PCDHGB6: variants seen among roughly 807,000 people sequenced by gnomAD.
The protein encoded by PCDHGB6 is protocadherin gamma subfamily B, 6.
A neutral mutation model predicts 59.1 loss-of-function variants in PCDHGB6; 51 were observed. The ratio of observed to expected loss-of-function variants is 0.86; its 90% CI spans 0.69 to 1.09. The LOEUF is 1.09. Ranked by LOEUF, PCDHGB6 falls within the 50% of genes least tolerant of loss-of-function variation. The pLI, the probability that PCDHGB6 is intolerant of heterozygous loss-of-function variation, is 0.00. For synonymous variants in PCDHGB6, 466 were observed against 495.1 expected, an observed-to-expected ratio of 0.94 and a Z score of 0.78; for missense variants, 1,148 against 1,205.1, an observed-to-expected ratio of 0.95 and a Z score of 0.70.
At position 141,489,314 on chromosome 5, in the gene PCDHGB6, G is replaced by C. The variant is rs374235290; in HGVS notation, c.2419-5493G>C. The stretch of plus-strand genomic sequence containing the variant: ...TGCATGTTGTCCTTGTGCTGCTGGG[G>C]CTGGGTGTCTGGGCAGCTTCGTTAC... On this transcript the variant is annotated intron_variant, in intron 1 of 3. Coordinates refer to ENST00000520790, the MANE Select transcript of PCDHGB6 (RefSeq NM_018926.3). This position sits in a 1 kb window ranked among gnomAD's most constrained non-coding sequence, Gnocchi z 4.5. 2 of 1,596,790 alleles carry C rather than the reference G, an allele frequency of 1.3e-6. No homozygotes were observed. The highest frequency in any genetic ancestry group is 2.2e-5 in the East Asian group (1 of 44,724).
chr5:141,419,773 C>CAG, intron 1 of PCDHGB6: 1 of 1,614,034 alleles, frequency 6.2e-7, no homozygotes, highest in Non-Finnish European at 8.5e-7. Flanking sequence ...AGGACTCGGT[C>CAG]CGCCAGCGCC....
At chr5:141,413,357 G>A (rs2095629700) in intron 1 of PCDHGB6, 2 of 1,613,874 alleles carry the variant, frequency 1.2e-6, no homozygotes, top group South Asian at 1.1e-5. Flanking sequence ...CTGGCGCCCC[G>A]GGAGCTGGCG....
chr5:141,465,019 G>T (rs533151051), intron 1 of PCDHGB6, among the ~76,000 whole-genome samples: 1 of 151,978 alleles, frequency 6.6e-6, no homozygotes, highest in Non-Finnish European at 1.5e-5. Context: ...TAAGATTACA[G>T]CCATGAACCA....
intron 1 of PCDHGB6, chr5:141,413,762 C>A: frequency 1.2e-6 from 2 of 1,612,894 alleles, no homozygotes; most frequent in Non-Finnish European, 8.5e-7. Flanking sequence ...GTCAAGTACC[C>A]GGAGCTGGTA....
At chr5:141,433,358 C>CCTATCTATCTAT (rs3074541) in intron 1 of PCDHGB6, 6,701 of 503,954 alleles carry the variant, frequency 0.013, 75 homozygotes, top group East Asian at 0.016. Context: ...CTACTGTCTG[C>CCTATCTATCTAT]CTATCTATCT....
At chr5:141,414,899 G>C (rs756810046) in intron 1 of PCDHGB6, 4 of 1,614,182 alleles carry the variant, frequency 2.5e-6, no homozygotes, top group Non-Finnish European at 3.4e-6. Context: ...CCCACAGACG[G>C]TTCCACAGGC....
chr5:141,413,981 C>A (rs563161887), intron 1 of PCDHGB6: 1 of 1,613,452 alleles, frequency 6.2e-7, no homozygotes, highest in Admixed American at 1.7e-5. Context: ...CTGACAGTCA[C>A]AGCCACCGAC....
Position 141,486,276 on chromosome 5 carries a change from T to C in PCDHGB6, c.2419-8531T>C. The C allele has an allele frequency of 1.2e-6, 2 of 1,613,980 alleles. No homozygotes were observed. The highest frequency in any genetic ancestry group is 1.7e-6 in the Non-Finnish European group (2 of 1,179,974). On this transcript the variant is annotated intron_variant, in intron 1 of 3. Coordinates refer to ENST00000520790, the MANE Select transcript of PCDHGB6 (RefSeq NM_018926.3). The surrounding 1 kb of genome is among the most constrained non-coding windows in gnomAD (Gnocchi z 5.0). ...CCCGAGAGTGCAGAACCTGGCACTG[T>C]GGTGGCACTTATCAGTGTGCAGGAT...
chr5:141,510,821 C>G, intron 3 of PCDHGB6, 126 bp from the exon 4 acceptor site: 2 of 1,559,324 alleles, frequency 1.3e-6, no homozygotes, highest in Non-Finnish European at 1.7e-6. Context: ...CCCCTATATT[C>G]CCAGTGCTCA....
chr5:141,423,086 T>TG, intron 1 of PCDHGB6: 1 of 1,613,912 alleles, frequency 6.2e-7, no homozygotes, highest in South Asian at 1.1e-5. Flanking sequence ...CTCTTCGCGG[T>TG]GGGGGAGCAC....
chr5:141,429,879 A>T (rs2097250861), intron 1 of PCDHGB6, among the ~76,000 whole-genome samples: 1 of 152,210 alleles, frequency 6.6e-6, no homozygotes, highest in African/African-American at 2.4e-5. Context: ...TCTTTTACTA[A>T]GTTTCCTGAA....
At position 141,496,266 on chromosome 5, in the gene PCDHGB6, AAGACCTTC is replaced by A. The variant is rs2099767586; in HGVS notation, c.2477+1404_2477+1411del. Among the ~76,000 whole-genome samples the A allele has an allele frequency of 2.0e-5, 3 of 152,152 alleles. No homozygotes were observed. The South Asian group carries it at 6.2e-4, about 32-fold the overall frequency. Reference sequence around the variant, plus strand: ...TGAAGGGGAGGGAAACTTCAGCAGAAAGACCTTCAGTTGGTCTGAGCAGAGTGGGATAG... The same window carrying A: ...TGAAGGGGAGGGAAACTTCAGCAGAAAGTTGGTCTGAGCAGAGTGGGATAG... On this transcript the variant is annotated intron_variant, in intron 2 of 3. Coordinates refer to ENST00000520790, the MANE Select transcript of PCDHGB6 (RefSeq NM_018926.3).
At chr5:141,423,800 T>A in intron 1 of PCDHGB6, 2 of 895,132 alleles carry the variant, frequency 2.2e-6, no homozygotes, top group Non-Finnish European at 2.9e-6. Flanking sequence ...TTTAGAGCAA[T>A]ACATGTGAGT....
chr5:141,454,796 A>ATTTTTCT (rs2098799790), intron 1 of PCDHGB6, among the ~76,000 whole-genome samples: 1 of 77,408 alleles, frequency 1.3e-5, no homozygotes, highest in African/African-American at 5.9e-5. Context: ...CATGGTTCTA[A>ATTTTTCT]TTTTTTTTTT....
intron 2 of PCDHGB6, among the ~76,000 whole-genome samples, chr5:141,499,192 C>T (rs1048812227): frequency 1.1e-4 from 17 of 152,106 alleles, no homozygotes; most frequent in South Asian, 2.1e-4. Flanking sequence ...CCATTTCCCC[C>T]TTCTTAGGCT....
In PCDHGB6 at chr5:141,476,628, C is replaced by T. The variant is rs899753438; in HGVS notation, c.2419-18179C>T. 6.2e-6 allele frequency: 10 copies of T among 1,614,160 alleles called. No individual in the cohort carries two copies. The highest frequency in any genetic ancestry group is 7.6e-6 in the Non-Finnish European group (9 of 1,180,068). On this transcript the variant is annotated intron_variant, in intron 1 of 3. Coordinates refer to ENST00000520790, the MANE Select transcript of PCDHGB6 (RefSeq NM_018926.3). The surrounding 1 kb of genome is among the most constrained non-coding windows in gnomAD (Gnocchi z 7.6). ...GATGTGGGAAGCAACTCTTTACAAACCTATGAGCTGAGCCGAAATGAATAC... is the reference window on the plus strand; with the variant it reads ...GATGTGGGAAGCAACTCTTTACAAATCTATGAGCTGAGCCGAAATGAATAC...
Position 141,409,545 on chromosome 5 carries a change from A to G in PCDHGB6, c.1343A>G (p.Asn448Ser). 6.2e-7 allele frequency: 1 copy of G among 1,613,938 alleles called. No homozygotes were observed. The highest frequency in any genetic ancestry group is 1.3e-5 in the African/African-American group (1 of 75,052). ...TTGTATGTCGCTGACATCAACGACA[A>G]CGCCCCAGTTTTCGACCAGACGTCC... ...ITLYVADIND[N>S]APVFDQTSYV... The change falls in exon 1 of 4, where the codon AAC becomes AGC. Residue 448 changes from asparagine to serine, a missense_variant. This residue lies in a region of PCDHGB6 where 549 missense variants were observed against 527.5 expected (regional missense o/e 1.04). Transcript: ENST00000520790.
chr5:141,446,256 T>C lies in PCDHGB6; in HGVS notation c.2418+35636T>C, dbSNP rs535879308. On this transcript the variant is annotated intron_variant, in intron 1 of 3. Transcript: ENST00000520790. Reference sequence around the variant, plus strand: ...CAAGTGGTAGATCTTCAGTGAAATATTATTAACTGAATAAATACAATGGAT... The same window carrying C: ...CAAGTGGTAGATCTTCAGTGAAATACTATTAACTGAATAAATACAATGGAT... Among the ~76,000 whole-genome samples the C allele has an allele frequency of 2.0e-5, 3 of 152,310 alleles. No homozygotes were observed. The East Asian group carries it at 5.8e-4, about 29-fold the overall frequency.
intron 1 of PCDHGB6, among the ~76,000 whole-genome samples, chr5:141,436,243 TA>T (rs1428637183): frequency 6.6e-6 from 1 of 152,154 alleles, no homozygotes; most frequent in Non-Finnish European, 1.5e-5. Context: ...TAACATGGTC[TA>T]ATTATTCTGA....
Sources: allele counts gnomAD v4.1 joint callset (sites outside exome capture counted in the v4.1 genomes callset), GRCh38; gene constraint gnomAD v4.1.1; regional missense constraint gnomAD v4.1.1; non-coding constraint Gnocchi (gnomAD v3.1); transcripts MANE v1.5; gene names NCBI Gene and HGNC (gene_info 2026-07-23, HGNC 2026-07-21).